Variants in LY86 observed in about 807,000 individuals in gnomAD.
The protein encoded by LY86 is lymphocyte antigen 86, also known as MD-1, RP105-associated.
In LY86, 20 loss-of-function variants were observed where a neutral mutation model predicts 17.3. That is an observed-to-expected ratio of 1.15 (90% CI 0.81 to 1.68). The LOEUF (loss-of-function observed/expected upper bound fraction) is 1.68, where lower values mean the gene tolerates loss of function less well. Among genes scored for constraint, LY86 ranks in the 40% most tolerant of loss-of-function variants. LY86 has a pLI of 0.00. For missense variants in LY86, 200 were observed against 191.9 expected, an observed-to-expected ratio of 1.04 and a Z score of -0.25; for synonymous variants, 74 against 70.6, an observed-to-expected ratio of 1.05 and a Z score of -0.24.
intron 1 of LY86, among the ~76,000 whole-genome samples, chr6:6,596,892 A>G (rs1157678373): frequency 1.3e-5 from 2 of 152,218 alleles, no homozygotes; most frequent in Non-Finnish European, 2.9e-5. Context: ...ATAGGAACCT[A>G]GAGAGGGAAA....
intron 1 of LY86, among the ~76,000 whole-genome samples, chr6:6,612,481 A>G (rs867860845): frequency 2.6e-5 from 4 of 151,960 alleles, no homozygotes; most frequent in African/African-American, 9.7e-5. Context: ...ATGCAGACCC[A>G]AAGTGTAAAC....
chr6:6,615,719 CAAAAAAA>C (rs373207405), intron 1 of LY86, among the ~76,000 whole-genome samples: 2 of 91,746 alleles, frequency 2.2e-5, no homozygotes, highest in Admixed American at 1.2e-4. Context: ...GATGTTGTCT[CAAAAAAA>C]AAAAAAAAAA....
intron 1 of LY86, among the ~76,000 whole-genome samples, chr6:6,613,906 G>A (rs1202274535): frequency 6.6e-6 from 1 of 152,254 alleles, no homozygotes; most frequent in African/African-American, 2.4e-5. Flanking sequence ...AGCGAAGCAA[G>A]GTGTTGCTAG....
At chr6:6,626,256 C>A in intron 2 of LY86, 37 bp from the exon 3 acceptor site, 1 of 1,608,546 alleles carries the variant, frequency 6.2e-7, no homozygotes, top group Non-Finnish European at 8.5e-7. Flanking sequence ...CAGTGAAACA[C>A]GCAGTAAGAG....
intron 1 of LY86, among the ~76,000 whole-genome samples, chr6:6,599,792 C>T (rs1760840781): frequency 6.6e-6 from 1 of 152,200 alleles, no homozygotes; most frequent in Non-Finnish European, 1.5e-5. Context: ...GCCAGAAAAC[C>T]AATGTGTCCT....
intron 1 of LY86, among the ~76,000 whole-genome samples, chr6:6,598,574 C>T (rs1760791217): frequency 6.6e-6 from 1 of 152,224 alleles, no homozygotes. Flanking sequence ...TAAATTTTAC[C>T]TATTACATGC....
At chr6:6,633,642 A>T (rs180818041) in intron 3 of LY86, among the ~76,000 whole-genome samples, 1 of 152,232 alleles carries the variant, frequency 6.6e-6, no homozygotes, top group East Asian at 1.9e-4. Context: ...GTGTCCAAGG[A>T]ACACATGATT....
intron 1 of LY86, among the ~76,000 whole-genome samples, chr6:6,592,916 G>T (rs1439760140): frequency 6.6e-6 from 1 of 152,224 alleles, no homozygotes; most frequent in Non-Finnish European, 1.5e-5. Flanking sequence ...GGCAGGAGAG[G>T]TTAGGACACA....
chr6:6,653,970 C>T (rs957210040), intron 4 of LY86, among the ~76,000 whole-genome samples: 10 of 152,186 alleles, frequency 6.6e-5, no homozygotes, highest in Non-Finnish European at 1.5e-4. Context: ...CCGACACAGG[C>T]GCCAGGGCAG....
intron 1 of LY86, among the ~76,000 whole-genome samples, chr6:6,593,134 A>G (rs1343505764): frequency 6.6e-6 from 1 of 152,258 alleles, no homozygotes; most frequent in East Asian, 1.9e-4. Context: ...GTCCAAAATC[A>G]ATTTCACTGG....
intron 1 of LY86, among the ~76,000 whole-genome samples, chr6:6,598,967 A>T (rs978813879): frequency 1.3e-5 from 2 of 152,178 alleles, no homozygotes; most frequent in Non-Finnish European, 2.9e-5. Context: ...GTTGCCTGAT[A>T]TTCTGCCTAA....
At chr6:6,606,757 C>T (rs1247633774) in intron 1 of LY86, among the ~76,000 whole-genome samples, 3 of 152,216 alleles carry the variant, frequency 2.0e-5, no homozygotes, top group African/African-American at 4.8e-5. Flanking sequence ...CCGGAACTCG[C>T]GCTGGCCCGC....
At chr6:6,631,327 G>A (rs528782722) in intron 3 of LY86, among the ~76,000 whole-genome samples, 1 of 152,300 alleles carries the variant, frequency 6.6e-6, no homozygotes, top group South Asian at 2.1e-4. Context: ...AAGCCAGCGG[G>A]GGGTGGAACT....
chr6:6,599,586 C>T (rs1760833935), intron 1 of LY86, among the ~76,000 whole-genome samples: 1 of 152,200 alleles, frequency 6.6e-6, no homozygotes, highest in African/African-American at 2.4e-5. Flanking sequence ...CATTGGGTTG[C>T]AGAGAGCTGT....
intron 3 of LY86, among the ~76,000 whole-genome samples, chr6:6,632,452 G>C (rs1363386335): frequency 1.3e-5 from 2 of 152,212 alleles, no homozygotes; most frequent in Non-Finnish European, 2.9e-5. Flanking sequence ...ACAGCACTGA[G>C]TCCCTGGGCT....
chr6:6,614,240 T>G (rs532907572), intron 1 of LY86, among the ~76,000 whole-genome samples: 2 of 152,268 alleles, frequency 1.3e-5, no homozygotes, highest in African/African-American at 4.8e-5. Flanking sequence ...CCAAAATTGC[T>G]GAGAGTGTGA....
intron 1 of LY86, among the ~76,000 whole-genome samples, chr6:6,612,124 G>A (rs1204904997): frequency 6.6e-6 from 1 of 152,200 alleles, no homozygotes; most frequent in Non-Finnish European, 1.5e-5. Flanking sequence ...CCAAAAATCA[G>A]CTCAACAACT....
chr6:6,620,558 C>A (rs1398630166), intron 1 of LY86, among the ~76,000 whole-genome samples: 5 of 152,154 alleles, frequency 3.3e-5, no homozygotes, highest in Non-Finnish European at 7.4e-5. Flanking sequence ...GTACCCGGGC[C>A]CCCACCATCC....
chr6:6,612,053 G>A (rs955062294), intron 1 of LY86, among the ~76,000 whole-genome samples: 4 of 152,168 alleles, frequency 2.6e-5, no homozygotes, highest in African/African-American at 7.2e-5. Context: ...GCAAATTGAA[G>A]ATGTTAAAAA....
Sources: allele counts gnomAD v4.1 joint callset (sites outside exome capture counted in the v4.1 genomes callset), GRCh38; gene constraint gnomAD v4.1.1; transcripts MANE v1.5; gene names NCBI Gene and HGNC (gene_info 2026-07-23, HGNC 2026-07-21).